RAD51C: variants seen among roughly 807,000 people sequenced by gnomAD.
RAD51C encodes the protein DNA repair protein RAD51 homolog 3.
RAD51C carries 42 observed loss-of-function variants against 45.0 expected under a neutral mutation model. The ratio of observed to expected loss-of-function variants is 0.93; its 90% confidence interval spans 0.73 to 1.21. The LOEUF is 1.21. Ranked by LOEUF, RAD51C falls within the 50% of genes most tolerant of loss-of-function variation. The probability of loss-of-function intolerance (pLI) is 0.00; values close to 1 mark genes in which losing one functional copy is unlikely to be tolerated. For missense variants in RAD51C, 474 were observed against 452.2 expected (o/e 1.05, Z -0.44); for synonymous variants, 172 against 159.8 (o/e 1.08, Z -0.58).
chr17:58,692,821 C>A (rs1462507524), intron 1 of RAD51C, 33 bp downstream of exon 1: 2 of 1,613,728 alleles, frequency 1.2e-6, no homozygotes, highest in Non-Finnish European at 8.5e-7. Context: ...TGAGGCACAC[C>A]GGCCGCCGTC....
intron 4 of RAD51C, chr17:58,706,582 G>C: frequency 4.4e-6 from 2 of 452,710 alleles, no homozygotes; most frequent in South Asian, 1.6e-5. Context: ...AACCAAGGAC[G>C]ACATAGCATT....
intron 7 of RAD51C, among the ~76,000 whole-genome samples, chr17:58,728,088 CAAAA>C (rs2049242840): frequency 6.6e-6 from 1 of 151,572 alleles, no homozygotes; most frequent in South Asian, 2.1e-4. Flanking sequence ...ACTAAAAATA[CAAAA>C]AAATTAGCCA....
chr17:58,710,415 T>C (rs1274201089), intron 5 of RAD51C, among the ~76,000 whole-genome samples: 1 of 150,612 alleles, frequency 6.6e-6, no homozygotes, highest in East Asian at 1.9e-4. Context: ...GGAGAATCAC[T>C]TGAACCCAGG....
Position 58,696,801 on chromosome 17 carries a change from C to A in RAD51C, c.513C>A (p.Asp171Glu), listed in dbSNP as rs140279158. ...EGSFMVDRVV[D>E]LATACIQHLQ... ...GTTTTATGGTTGATAGAGTGGTAGA[C>A]CTTGCTACTGCCTGCATTCAGCACC... is the stretch of plus-strand genomic sequence containing the variant. Residue 171 changes from aspartate (D) to glutamate (E), a missense_variant, in exon 3 of 9, where the codon GAC (aspartate) becomes GAA (glutamate). Transcript: ENST00000337432. 6.2e-7 allele frequency: 1 copy of A among 1,614,122 alleles called. No homozygotes were observed. Among genetic ancestry groups the A allele is most frequent in the South Asian group, 1.1e-5 (1 of 91,074 alleles).
intron 2 of RAD51C, among the ~76,000 whole-genome samples, chr17:58,695,643 A>C (rs1209336469): frequency 1.3e-5 from 2 of 151,864 alleles, no homozygotes; most frequent in African/African-American, 2.4e-5. Context: ...AAATTAGCTG[A>C]GTGTGGTGGC....
intron 4 of RAD51C, 95 bp from the exon 5 acceptor site, chr17:58,709,764 A>G: frequency 8.2e-7 from 1 of 1,216,330 alleles, no homozygotes; most frequent in Non-Finnish European, 1.2e-6. Context: ...AGTAAATAAG[A>G]GAGAAGGTCC....
At chr17:58,696,669 T>G (rs199756916) in intron 2 of RAD51C, 24 bp from the exon 3 acceptor site, 8 of 1,614,086 alleles carry the variant, frequency 5.0e-6, no homozygotes, top group East Asian at 4.5e-5. Flanking sequence ...ATGATTTGGT[T>G]GTTTGTCATC....
At chr17:58,724,562 CTGTT>C (rs972010549) in intron 7 of RAD51C, among the ~76,000 whole-genome samples, 1 of 151,196 alleles carries the variant, frequency 6.6e-6, no homozygotes, top group Non-Finnish European at 1.5e-5. Context: ...GAAATTGTGT[CTGTT>C]TTTTTTTTTA....
intron 5 of RAD51C, among the ~76,000 whole-genome samples, chr17:58,711,078 T>G (rs189309543): frequency 6.6e-6 from 1 of 152,372 alleles, no homozygotes. Flanking sequence ...AAAAGCATAG[T>G]GCCCTGTGTT....
At chr17:58,695,438 G>A in intron 2 of RAD51C, 1 of 1,035,072 alleles carries the variant, frequency 9.7e-7, no homozygotes. Context: ...AGGTTAAACA[G>A]GAAGTTTCTG....
rs894550117 is a variant in RAD51C, at chr17:58,710,523, G to A, written c.837+533G>A. Among the ~76,000 whole-genome samples the A allele has an allele frequency of 5.4e-5, 8 of 148,412 alleles. No individual in the cohort carries two copies. The Admixed American group carries it at 5.4e-4, about 10-fold the overall frequency. On this transcript the variant is annotated intron_variant, in intron 5 of 8. Coordinates refer to ENST00000337432, the MANE Select transcript of RAD51C (RefSeq NM_058216.3). ...GGCAAAAAAAAAAAAAAAGGACTTT[G>A]TTTGATAAAGAAATGCCACCTTTGT...
chr17:58,724,953 TTTG>T (rs1213500129), intron 7 of RAD51C, among the ~76,000 whole-genome samples: 1 of 152,190 alleles, frequency 6.6e-6, no homozygotes, highest in Non-Finnish European at 1.5e-5. Context: ...TCTATATTTC[TTTG>T]TTGTTCTACA....
chr17:58,700,591 C>T (rs1022083123), intron 3 of RAD51C, among the ~76,000 whole-genome samples: 1 of 151,886 alleles, frequency 6.6e-6, no homozygotes, highest in Non-Finnish European at 1.5e-5. Flanking sequence ...TACAGGCACC[C>T]GCCACCACGC....
At chr17:58,732,603 A>G (rs1320209951) in intron 8 of RAD51C, 59 bp downstream of exon 8, 3 of 1,521,186 alleles carry the variant, frequency 2.0e-6, no homozygotes, top group South Asian at 1.1e-5. Flanking sequence ...TTATCTAAAG[A>G]GAGAATTTAC....
At chr17:58,730,164 CTTTTT>C (rs35483724) in intron 7 of RAD51C, among the ~76,000 whole-genome samples, 2 of 121,904 alleles carry the variant, frequency 1.6e-5, no homozygotes. Flanking sequence ...CACAGCTGTT[CTTTTT>C]TTTTTTTTTT....
At chr17:58,700,336 C>T (rs540747133) in intron 3 of RAD51C, 1 of 152,180 alleles carries the variant, frequency 6.6e-6, no homozygotes, top group Non-Finnish European at 1.5e-5. Flanking sequence ...TCCCTTATAC[C>T]TTAAAGCTAC....
chr17:58,715,454 CAA>C (rs35442906), intron 5 of RAD51C, among the ~76,000 whole-genome samples: 985 of 91,180 alleles, frequency 0.011, 7 homozygotes, highest in African/African-American at 0.035. Flanking sequence ...AACTCTGTCT[CAA>C]AAAAAAAAAA....
At position 58,732,615 on chromosome 17, in the gene RAD51C, A is replaced by G. The variant is rs542534402; in HGVS notation, c.1026+71A>G. 3.0e-5 allele frequency: 44 copies of G among 1,471,732 alleles called. No homozygotes were observed. In the African/African-American group the frequency reaches 4.9e-4, roughly 16 times the overall value. 91.2% of individuals were successfully genotyped at this position (1,471,732 alleles called of 1,614,324 possible). A position where few individuals can be genotyped will look rare whatever the true frequency, so the allele number is the denominator to read the frequency against. ...TAATTATCTAAAGAGAGAATTTACA[A>G]CTTGCTTCTGTCAACTTCTGTAGGC... On this transcript the variant is annotated intron_variant, in intron 8 of 8. Coordinates refer to ENST00000337432, the MANE Select transcript of RAD51C (RefSeq NM_058216.3).
At chr17:58,710,317 TAAAAAAAAAA>T (rs71143280) in intron 5 of RAD51C, among the ~76,000 whole-genome samples, 2 of 67,414 alleles carry the variant, frequency 3.0e-5, no homozygotes, top group African/African-American at 6.3e-5. Flanking sequence ...CTGTCTCTAC[TAAAAAAAAAA>T]AAAAAAAAAA....
Sources: gnomAD v4.1 joint callset for allele counts (sites outside exome capture counted in the v4.1 genomes callset) on GRCh38, gnomAD v4.1.1 for gene constraint, MANE v1.5 for transcripts, NCBI Gene and HGNC (gene_info 2026-07-23, HGNC 2026-07-21) for gene names.